Variants in NR1H4 observed in about 807,000 individuals in gnomAD.
The protein encoded by NR1H4 is bile acid receptor.
Under a neutral mutation model 58.5 loss-of-function variants are expected in NR1H4, and 23 were observed. The observed-to-expected ratio is 0.39, with a 90% CI of 0.28 to 0.56. NR1H4 has a LOEUF of 0.56. NR1H4 is among the 20% of genes least tolerant of loss of function. The probability of loss-of-function intolerance (pLI) is 0.58; values close to 1 mark genes in which losing one functional copy is unlikely to be tolerated. For missense variants in NR1H4, 487 were observed against 576.9 expected, an observed-to-expected ratio of 0.84 and a Z score of 1.60; for synonymous variants, 214 against 198.0, an observed-to-expected ratio of 1.08 and a Z score of -0.68.
intron 3 of NR1H4, among the ~76,000 whole-genome samples, chr12:100,495,103 G>A (rs935597006): frequency 3.9e-5 from 6 of 152,204 alleles, no homozygotes; most frequent in Non-Finnish European, 7.3e-5. Flanking sequence ...AGCATCTAAA[G>A]ATGATTGCTA....
chr12:100,487,516 C>G (rs1323883892), intron 1 of NR1H4, among the ~76,000 whole-genome samples: 1 of 150,730 alleles, frequency 6.6e-6, no homozygotes, highest in Non-Finnish European at 1.5e-5. Context: ...ATGGGGGAGT[C>G]AGGGGGAAGG....
chr12:100,509,935 ACAC>A (rs1954064772), intron 3 of NR1H4, among the ~76,000 whole-genome samples: 1 of 152,220 alleles, frequency 6.6e-6, no homozygotes, highest in Admixed American at 6.5e-5. Context: ...ACACACACAC[ACAC>A]ACAGAGTTGG....
chr12:100,562,753 T>G (rs1326607242), intron 10 of NR1H4, among the ~76,000 whole-genome samples: 1 of 152,210 alleles, frequency 6.6e-6, no homozygotes, highest in Non-Finnish European at 1.5e-5. Context: ...ACTTTAATAA[T>G]TTGGGTGTCG....
chr12:100,510,607 TTATATATATA>T (rs34480475), intron 3 of NR1H4, among the ~76,000 whole-genome samples, 161 bp from the exon 4 acceptor site: 12 of 133,694 alleles, frequency 9.0e-5, no homozygotes, highest in East Asian at 2.3e-4. Context: ...TCATTTAATT[TTATATATATA>T]TATATATATA....
Position 100,536,898 on chromosome 12 carries a change from A to G in NR1H4, c.832-50A>G. On this transcript the variant is annotated intron_variant, in intron 7 of 10. Coordinates refer to ENST00000392986, the MANE Select transcript of NR1H4 (RefSeq NM_001206979.2). ...TTCTTTAGTCTAATGGTTTTATATT[A>G]TCATTTTCTTATCTACTTTTTAATC... The G allele has an allele frequency of 3.6e-6, 4 of 1,096,810 alleles. No individual in the cohort carries two copies. In the South Asian group the frequency reaches 4.2e-5, roughly 11 times the overall value. The allele number at this position is 1,096,810 out of a possible 1,614,324, so 67.9% of individuals were successfully genotyped here.
intron 3 of NR1H4, chr12:100,503,383 TA>T: frequency 6.3e-7 from 1 of 1,596,226 alleles, no homozygotes; most frequent in Admixed American, 1.7e-5. Context: ...GTGAATAAGC[TA>T]AGAATGGTAA....
chr12:100,553,006 C>CTT (rs931109396), intron 9 of NR1H4, among the ~76,000 whole-genome samples: 1 of 148,694 alleles, frequency 6.7e-6, no homozygotes. Context: ...TCCCACTCTT[C>CTT]TTTTTTTTTT....
intron 3 of NR1H4, chr12:100,503,221 TA>T: frequency 1.3e-6 from 1 of 796,630 alleles, no homozygotes; most frequent in Non-Finnish European, 1.8e-6. Flanking sequence ...AATGTTTATC[TA>T]AGAGACTGGT....
intron 9 of NR1H4, among the ~76,000 whole-genome samples, chr12:100,541,033 C>G (rs1311189119): frequency 1.3e-5 from 2 of 152,136 alleles, no homozygotes; most frequent in Admixed American, 1.3e-4. Context: ...AAAACTACCC[C>G]TTTACTGCAC....
chr12:100,525,298 C>A (rs1954528548), intron 4 of NR1H4: 1 of 152,150 alleles, frequency 6.6e-6, no homozygotes, highest in Non-Finnish European at 1.5e-5. Context: ...GACCAAGTTA[C>A]CCTGGTTGAT....
intron 4 of NR1H4, among the ~76,000 whole-genome samples, chr12:100,520,948 C>G (rs1386803732): frequency 6.6e-6 from 1 of 152,118 alleles, no homozygotes; most frequent in Admixed American, 6.6e-5. Context: ...TTCCTCTGAG[C>G]CTCAGATCTG....
At chr12:100,549,859 C>T (rs976929095) in intron 9 of NR1H4, among the ~76,000 whole-genome samples, 2 of 152,136 alleles carry the variant, frequency 1.3e-5, no homozygotes, top group African/African-American at 4.8e-5. Context: ...AGAACATTGC[C>T]TCTTCCACAC....
chr12:100,543,737 T>A (rs535792020), intron 9 of NR1H4, among the ~76,000 whole-genome samples: 1 of 152,142 alleles, frequency 6.6e-6, no homozygotes, highest in African/African-American at 2.4e-5. Context: ...TATCCTGATT[T>A]TAAAGCCATA....
chr12:100,546,541 A>G (rs1247722874), intron 9 of NR1H4, among the ~76,000 whole-genome samples: 3 of 151,952 alleles, frequency 2.0e-5, no homozygotes, highest in African/African-American at 7.3e-5. Context: ...TAAAAATATA[A>G]AAAATTAGCC....
At chr12:100,494,364 C>T (rs1275919071) in intron 3 of NR1H4, among the ~76,000 whole-genome samples, 1 of 152,126 alleles carries the variant, frequency 6.6e-6, no homozygotes, top group African/African-American at 2.4e-5. Context: ...TGTGTACCTG[C>T]CTCCATACAG....
intron 9 of NR1H4, among the ~76,000 whole-genome samples, chr12:100,547,004 TTCAGGTGGACC>T (rs1238467580): frequency 1.3e-5 from 2 of 152,148 alleles, no homozygotes; most frequent in Non-Finnish European, 2.9e-5. Flanking sequence ...GATCAAACAC[TTCAGGTGGACC>T]TCAGTACTTT....
chr12:100,545,660 A>AC (rs1565777401), intron 9 of NR1H4, among the ~76,000 whole-genome samples: 1 of 147,904 alleles, frequency 6.8e-6, no homozygotes, highest in African/African-American at 2.6e-5. Context: ...AAAAAAAAAA[A>AC]AAAAAAAAAC....
At chr12:100,506,042 CAGAGAG>C (rs1209603063) in intron 3 of NR1H4, among the ~76,000 whole-genome samples, 4 of 117,448 alleles carry the variant, frequency 3.4e-5, no homozygotes, top group African/African-American at 1.4e-4. Context: ...CACACACACA[CAGAGAG>C]AGAGAGAGAA....
At chr12:100,514,902 A>G (rs1026694832) in intron 4 of NR1H4, among the ~76,000 whole-genome samples, 1 of 152,192 alleles carries the variant, frequency 6.6e-6, no homozygotes, top group Non-Finnish European at 1.5e-5. Flanking sequence ...ACAAAATTAC[A>G]TACAAACAAA....
Sources: allele counts gnomAD v4.1 joint callset (sites outside exome capture counted in the v4.1 genomes callset), GRCh38; gene constraint gnomAD v4.1.1; transcripts MANE v1.5; gene names NCBI Gene and HGNC (gene_info 2026-07-23, HGNC 2026-07-21).